The following NIPA1 variants were observed in gnomAD, a reference collection of about 807,000 sequenced individuals.
NIPA1 encodes the protein NIPA magnesium transporter 1.
A neutral mutation model predicts 23.9 loss-of-function variants in NIPA1; 13 were observed. That is an observed-to-expected ratio of 0.54 (90% confidence interval 0.35 to 0.87). The LOEUF (loss-of-function observed/expected upper bound fraction) is 0.87, where lower values mean the gene tolerates loss of function less well. Among genes scored for constraint, NIPA1 ranks in the 40% least tolerant of loss-of-function variants. The probability of loss-of-function intolerance (pLI) is 0.01; values close to 1 mark genes in which losing one functional copy is unlikely to be tolerated. For synonymous variants in NIPA1, 234 were observed against 202.9 expected (o/e 1.15, Z -1.30); for missense variants, 362 against 429.7 (o/e 0.84, Z 1.39).
At position 22,812,095 on chromosome 15, in the gene NIPA1, T is replaced by C. The variant is rs1257249967; in HGVS notation, c.227-68T>C. Reference sequence around the variant, plus strand: ...CTTTCAGGGCAGAGCCTAGCGTAATTCAACTGTGATCAGTGCTGGAAGAGA... The same window carrying C: ...CTTTCAGGGCAGAGCCTAGCGTAATCCAACTGTGATCAGTGCTGGAAGAGA... On this transcript the variant is annotated intron_variant, in intron 2 of 4. Transcript: ENST00000337435. The C allele has an allele frequency of 6.8e-6, 8 of 1,176,816 alleles. No individual in the cohort carries two copies. In the East Asian group the frequency reaches 1.7e-4, roughly 25 times the overall value. 72.9% of individuals were successfully genotyped at this position (1,176,816 alleles called of 1,614,324 possible).
chr15:22,811,434 C>T (rs1354968199), intron 2 of NIPA1, among the ~76,000 whole-genome samples: 2 of 151,872 alleles, frequency 1.3e-5, no homozygotes, highest in Non-Finnish European at 2.9e-5. Context: ...ATGGCAAAAC[C>T]CTGTCTGTAC....
intron 1 of NIPA1, among the ~76,000 whole-genome samples, chr15:22,798,510 A>G (rs1394691082): frequency 1.4e-5 from 2 of 145,952 alleles, no homozygotes; most frequent in Admixed American, 1.4e-4. Context: ...AAGTGCTGGG[A>G]TTACAGGCAT....
In NIPA1 at chr15:22,820,370, G is replaced by C. The variant is rs750449568; in HGVS notation, c.375G>C (p.Gly125=). Residue 125 remains glycine, a synonymous_variant, in exon 4 of 5, where the codon GGG becomes GGC. Coordinates refer to ENST00000337435, the MANE Select transcript of NIPA1 (RefSeq NM_144599.5). ...KEKLNILGKL[G]CLLSCAGSVV... is the part of the protein sequence containing the mutation. ...AGCTCAACATCTTGGGCAAGTTGGG[G>C]TGCCTGCTAAGCTGTGCAGGCTCCG... The C allele has an allele frequency of 1.9e-6, 3 of 1,612,146 alleles. No homozygotes were observed. In the East Asian group the frequency reaches 6.7e-5, roughly 36 times the overall value.
intron 1 of NIPA1, among the ~76,000 whole-genome samples, chr15:22,799,330 C>T (rs1895013841): frequency 6.6e-6 from 1 of 152,080 alleles, no homozygotes; most frequent in African/African-American, 2.4e-5. Context: ...AATCAAATAC[C>T]ACATGTTCTT....
chr15:22,786,721 GCCCGAGC>G lies in NIPA1; in HGVS notation c.70_76del (p.Ser24ProfsTer16), dbSNP rs1894710917. On this transcript the variant is annotated frameshift_variant, in exon 1 of 5. Coordinates refer to ENST00000337435, the MANE Select transcript of NIPA1 (RefSeq NM_144599.5). LOFTEE classifies it high-confidence loss of function. ...GCGGCGGCCGGGGAGGGGGCGCGTA[GCCCGAGC>G]CCCGCCGCCGTGTCGCTCGGCCTGG... is the stretch of plus-strand genomic sequence containing the variant. 8.2e-7 allele frequency: 1 copy of G among 1,221,508 alleles called. No individual in the cohort carries two copies. The highest frequency in any genetic ancestry group is 1.0e-6 in the Non-Finnish European group (1 of 962,536). The allele number at this position is 1,221,508 out of a possible 1,614,324, so 75.7% of individuals were successfully genotyped here. A position where few individuals can be genotyped will look rare whatever the true frequency, so the allele number is the denominator to read the frequency against.
rs1278063762 is a variant in NIPA1, at chr15:22,828,469, T to C, written c.*4230T>C. The C allele has an allele frequency of 6.6e-6, 1 of 152,628 alleles. No individual in the cohort carries two copies. The highest frequency in any genetic ancestry group is 1.9e-4 in the East Asian group (1 of 5,198). 9.5% of individuals were successfully genotyped at this position (152,628 alleles called of 1,614,324 possible). A position where few individuals can be genotyped will look rare whatever the true frequency, so the allele number is the denominator to read the frequency against. On this transcript the variant is annotated 3_prime_UTR_variant, in exon 5 of 5. Transcript: ENST00000337435. ...TGTTTCACATCTGGCCAGATTCTTATACCTCCATTGTATACTTGAAAAGGT... is the reference window on the plus strand; with the variant it reads ...TGTTTCACATCTGGCCAGATTCTTACACCTCCATTGTATACTTGAAAAGGT...
At position 22,812,151 on chromosome 15, in the gene NIPA1, T is replaced by A; in HGVS notation, c.227-12T>A. On this transcript the variant is annotated splice_polypyrimidine_tract_variant and intron_variant, in intron 2 of 4. Transcript: ENST00000337435. ...GTAATTGCAAGTAGTATCCTTGTGATTTTCTTGACAGTGGCTGTTGGCCAG... is the reference window on the plus strand; with the variant it reads ...GTAATTGCAAGTAGTATCCTTGTGAATTTCTTGACAGTGGCTGTTGGCCAG... 6.2e-7 allele frequency: 1 copy of A among 1,604,752 alleles called. No homozygotes were observed. Among genetic ancestry groups the A allele is most frequent in the East Asian group, 2.2e-5 (1 of 44,816 alleles).
intron 3 of NIPA1, among the ~76,000 whole-genome samples, chr15:22,817,075 T>G (rs978278984): frequency 1.4e-5 from 2 of 147,106 alleles, no homozygotes; most frequent in African/African-American, 5.1e-5. Context: ...TAGTCCCAGC[T>G]ACTCAGGAGG....
intron 1 of NIPA1, among the ~76,000 whole-genome samples, chr15:22,790,509 C>T (rs1308594643): frequency 6.6e-6 from 1 of 151,502 alleles, no homozygotes; most frequent in Non-Finnish European, 1.5e-5. Context: ...TTCCACCTCC[C>T]GGGTTCAAGC....
At chr15:22,814,887 G>A (rs1895386832) in intron 3 of NIPA1, among the ~76,000 whole-genome samples, 1 of 152,220 alleles carries the variant, frequency 6.6e-6, no homozygotes, top group Admixed American at 6.5e-5. Context: ...CTCAGTCTCA[G>A]CACTGTTGAT....
intron 3 of NIPA1, among the ~76,000 whole-genome samples, chr15:22,819,812 C>T (rs1219852518): frequency 6.6e-6 from 1 of 152,134 alleles, no homozygotes; most frequent in Non-Finnish European, 1.5e-5. Context: ...TTTTTATACT[C>T]TGGTGTATTT....
intron 3 of NIPA1, among the ~76,000 whole-genome samples, chr15:22,819,066 T>A: frequency 6.6e-6 from 1 of 152,114 alleles, no homozygotes. Flanking sequence ...ATGTCTTTTG[T>A]TGTTTCTTTC....
rs1183951093 is a variant in NIPA1 at position 22,802,489 on chromosome 15, A to G, written c.179-8260A>G. Among the ~76,000 whole-genome samples, 3 of 152,112 alleles carry G rather than the reference A, an allele frequency of 2.0e-5. No homozygotes were observed. In the East Asian group the frequency reaches 5.8e-4, roughly 29 times the overall value. ...TGTACACACCTCCATGAGTGCACGA[A>G]TAAGTGTGCTACCTGTGAAATCCTC... On this transcript the variant is annotated intron_variant, in intron 1 of 4. Coordinates refer to ENST00000337435, the MANE Select transcript of NIPA1 (RefSeq NM_144599.5).
intron 1 of NIPA1, among the ~76,000 whole-genome samples, chr15:22,792,588 GACCTC>G (rs2140848149): frequency 6.6e-6 from 1 of 152,180 alleles, no homozygotes; most frequent in South Asian, 2.1e-4. Flanking sequence ...TCGATCTCCT[GACCTC>G]GTGATCTGCC....
In NIPA1 at chr15:22,829,195, A is replaced by G. The variant is rs1389524499; in HGVS notation, c.*4956A>G. 1 of 152,164 alleles carries G rather than the reference A, an allele frequency of 6.6e-6. No homozygotes were observed. The highest frequency in any genetic ancestry group is 2.4e-5 in the African/African-American group (1 of 41,444). The allele number at this position is 152,164 out of a possible 1,614,324, so 9.4% of individuals were successfully genotyped here. The stretch of plus-strand genomic sequence containing the variant: ...TCCGATGGTGTGATGTGCTCCTGAC[A>G]TTCGGCCGAGGTCTGTATTCTGAAA... On this transcript the variant is annotated 3_prime_UTR_variant, in exon 5 of 5. Transcript: ENST00000337435.
At chr15:22,797,812 T>TTCTA (rs1894972616) in intron 1 of NIPA1, among the ~76,000 whole-genome samples, 1 of 148,316 alleles carries the variant, frequency 6.7e-6, no homozygotes, top group African/African-American at 2.5e-5. Flanking sequence ...GGCCATATAT[T>TTCTA]TCTAGTCACA....
intron 4 of NIPA1, among the ~76,000 whole-genome samples, chr15:22,822,000 G>A (rs145285275): frequency 1.3e-5 from 2 of 152,278 alleles, no homozygotes; most frequent in Non-Finnish European, 2.9e-5. Flanking sequence ...ACCTATTGAA[G>A]CTGGCCGACC....
intron 2 of NIPA1, 44 bp from the exon 3 acceptor site, chr15:22,812,119 G>C (rs1243550232): frequency 7.2e-7 from 1 of 1,381,238 alleles, no homozygotes; most frequent in Non-Finnish European, 1.0e-6. Context: ...TGCTGGAAGA[G>C]AGCTCTGTAA....
intron 3 of NIPA1, 121 bp downstream of exon 3, chr15:22,812,374 G>C: frequency 4.0e-6 from 3 of 742,542 alleles, no homozygotes; most frequent in Non-Finnish European, 4.7e-6. Context: ...TCTTCAGGCC[G>C]GGCATGGTGG....
Sources: allele counts gnomAD v4.1 joint callset (sites outside exome capture counted in the v4.1 genomes callset), GRCh38; gene constraint gnomAD v4.1.1; transcripts MANE v1.5; gene names NCBI Gene and HGNC (gene_info 2026-07-23, HGNC 2026-07-21).